ITPR2: variants seen among roughly 807,000 people sequenced by gnomAD.
ITPR2 encodes the protein inositol 1,4,5-trisphosphate-gated calcium channel ITPR2.
In ITPR2, 207 loss-of-function variants were observed where a neutral mutation model predicts 317.1. The observed-to-expected ratio is 0.65, with a 90% CI of 0.58 to 0.73. The LOEUF is 0.73. Ranked by LOEUF, ITPR2 falls within the 30% of genes least tolerant of loss-of-function variation. The pLI is 0.00. For synonymous variants in ITPR2, 1,156 were observed against 1,149.1 expected (o/e 1.01, Z -0.12); for missense variants, 2,613 against 3,284.0 (o/e 0.80, Z 4.99).
intron 1 of ITPR2, among the ~76,000 whole-genome samples, chr12:26,797,357 T>G (rs961789199): frequency 6.6e-6 from 1 of 152,234 alleles, no homozygotes; most frequent in Non-Finnish European, 1.5e-5. Flanking sequence ...TCCCTCATTA[T>G]TCCAACAACT....
intron 2 of ITPR2, among the ~76,000 whole-genome samples, chr12:26,750,923 G>A (rs1043131434): frequency 1.3e-5 from 2 of 152,122 alleles, no homozygotes; most frequent in African/African-American, 2.4e-5. Flanking sequence ...TACAATTACC[G>A]TCATTTTACA....
At chr12:26,586,920 A>C (rs1344546233) in intron 32 of ITPR2, among the ~76,000 whole-genome samples, 1 of 152,104 alleles carries the variant, frequency 6.6e-6, no homozygotes, top group Non-Finnish European at 1.5e-5. Context: ...GAGTCTACAA[A>C]GTTGAAATAT....
At chr12:26,539,004 C>A (rs895798059) in intron 37 of ITPR2, among the ~76,000 whole-genome samples, 1 of 152,144 alleles carries the variant, frequency 6.6e-6, no homozygotes, top group Non-Finnish European at 1.5e-5. Context: ...ACATTGTTAC[C>A]TTGCAAACAG....
At chr12:26,686,729 T>G (rs917247972) in intron 10 of ITPR2, 97 bp from the exon 11 acceptor site, 3 of 1,080,030 alleles carry the variant, frequency 2.8e-6, no homozygotes, top group Non-Finnish European at 4.0e-6. Context: ...TGTTATTTCT[T>G]CCTTGGATTG....
At chr12:26,507,328 A>AG (rs1161208505) in intron 37 of ITPR2, among the ~76,000 whole-genome samples, 1 of 152,222 alleles carries the variant, frequency 6.6e-6, no homozygotes, top group East Asian at 1.9e-4. Flanking sequence ...AGCTAATTAA[A>AG]GGGGCCAAGT....
chr12:26,722,505 A>T lies in ITPR2; in HGVS notation c.417T>A (p.Pro139=). 1 of 1,613,288 alleles carries T rather than the reference A, an allele frequency of 6.2e-7. No homozygotes were observed. The change falls in exon 5 of 57, where the codon CCT becomes CCA. Residue 139 remains proline (P), a synonymous_variant. Coordinates refer to ENST00000381340, the MANE Select transcript of ITPR2 (RefSeq NM_002223.4). ...NKYLTVNKRL[P]ALLEKNAMRV... The stretch of plus-strand genomic sequence containing the variant: ...GCATGGCATTCTTCTCCAGTAAAGC[A>T]GGTAATCTCTTGTTGACAGTAAGAT...
At chr12:26,551,907 G>T (rs900765848) in intron 36 of ITPR2, among the ~76,000 whole-genome samples, 22 of 152,154 alleles carry the variant, frequency 1.4e-4, no homozygotes, top group African/African-American at 5.3e-4. Flanking sequence ...TCAAGAGTCT[G>T]GAATGTTTTC....
At chr12:26,554,396 C>G (rs1191168330) in intron 36 of ITPR2, among the ~76,000 whole-genome samples, 1 of 152,152 alleles carries the variant, frequency 6.6e-6, no homozygotes, top group South Asian at 2.1e-4. Context: ...CCCTAGTTCT[C>G]GACAAGGAGT....
At chr12:26,788,187 G>T (rs1436356889) in intron 2 of ITPR2, among the ~76,000 whole-genome samples, 1 of 152,180 alleles carries the variant, frequency 6.6e-6, no homozygotes, top group African/African-American at 2.4e-5. Flanking sequence ...CTCCCAAAGT[G>T]CTGGGATTAC....
rs183168936 is a variant in ITPR2 at position 26,570,848 on chromosome 12, G to A, written c.4630+7865C>T. 1.5e-3 allele frequency among the ~76,000 whole-genome samples: 222 copies of A among 152,182 alleles called. 2 individuals are homozygous for A. The highest frequency in any genetic ancestry group is 2.1e-4 in the South Asian group (1 of 4,816). The stretch of plus-strand genomic sequence containing the variant: ...TTGACCAAGTGCATTAAAAAAATTC[G>A]CATAGCCTTAATGCCCTGAACGTTT... On this transcript the variant is annotated intron_variant, in intron 34 of 56. Transcript: ENST00000381340.
chr12:26,571,715 C>T (rs192633020), intron 34 of ITPR2, among the ~76,000 whole-genome samples: 57 of 152,322 alleles, frequency 3.7e-4, no homozygotes, highest in African/African-American at 1.4e-3. Context: ...ACCCTGATAA[C>T]GTCATTTCCC....
intron 5 of ITPR2, among the ~76,000 whole-genome samples, chr12:26,720,878 G>C (rs951713133): frequency 6.6e-6 from 1 of 152,206 alleles, no homozygotes; most frequent in African/African-American, 2.4e-5. Context: ...TAAGCAGATA[G>C]GATGAATTAA....
At chr12:26,687,575 T>C (rs1948152818) in intron 10 of ITPR2, among the ~76,000 whole-genome samples, 1 of 152,164 alleles carries the variant, frequency 6.6e-6, no homozygotes, top group Admixed American at 6.5e-5. Context: ...AACAAGATAT[T>C]ACCCCTGATC....
intron 10 of ITPR2, among the ~76,000 whole-genome samples, chr12:26,689,083 CA>C (rs779500717): frequency 2.0e-5 from 3 of 152,022 alleles, no homozygotes; most frequent in South Asian, 4.2e-4. Context: ...ATATGTGTAT[CA>C]AAACATCATG....
intron 50 of ITPR2, among the ~76,000 whole-genome samples, chr12:26,416,849 A>G (rs1018164680): frequency 2.0e-5 from 3 of 152,122 alleles, no homozygotes; most frequent in Non-Finnish European, 4.4e-5. Context: ...AACTCAGCTG[A>G]GGTTTAAAGA....
chr12:26,379,862 T>A (rs191681972), intron 55 of ITPR2, among the ~76,000 whole-genome samples: 2 of 152,342 alleles, frequency 1.3e-5, no homozygotes, highest in African/African-American at 4.8e-5. Flanking sequence ...TTCAGATTCA[T>A]ATGCTCAGGT....
Position 26,595,599 on chromosome 12 carries a change from G to A in ITPR2, c.4255-9C>T, listed in dbSNP as rs762828463. 3 of 1,536,536 alleles carry A rather than the reference G, an allele frequency of 2.0e-6. No individual in the cohort carries two copies. The highest frequency in any genetic ancestry group is 2.6e-6 in the Non-Finnish European group (3 of 1,150,602). ...ACATAAGCAATTTTAACCTGTGCAA[G>A]TTTCAAATACAAAAGAAAGTTAGTT... On this transcript the variant is annotated splice_polypyrimidine_tract_variant and intron_variant, in intron 31 of 56. Transcript: ENST00000381340.
chr12:26,343,590 G>T (rs1045970652), intron 55 of ITPR2, among the ~76,000 whole-genome samples: 1 of 152,224 alleles, frequency 6.6e-6, no homozygotes, highest in Non-Finnish European at 1.5e-5. Context: ...AGAATTTGCA[G>T]AGGCTAATCT....
At position 26,653,390 on chromosome 12, in the gene ITPR2, C is replaced by T. The variant is rs1022170428; in HGVS notation, c.2740+586G>A. 1.1e-4 allele frequency among the ~76,000 whole-genome samples: 16 copies of T among 152,000 alleles called. 1 individual carries two copies. The highest frequency in any genetic ancestry group is 4.1e-4 in the South Asian group (2 of 4,828). On this transcript the variant is annotated intron_variant, in intron 21 of 56. Transcript: ENST00000381340. The stretch of plus-strand genomic sequence containing the variant: ...CCGAGTAGCTGGAATTACAGGCACA[C>T]GCCACCATGCCCAGCTAATTTTTGC...
Sources: gnomAD v4.1 joint callset for allele counts (sites outside exome capture counted in the v4.1 genomes callset) on GRCh38, gnomAD v4.1.1 for gene constraint, MANE v1.5 for transcripts, NCBI Gene and HGNC (gene_info 2026-07-23, HGNC 2026-07-21) for gene names.